LTBP1: variants seen among roughly 807,000 people sequenced by gnomAD.
LTBP1 encodes latent transforming growth factor beta binding protein 1, also known as latent-transforming growth factor beta-binding protein 1.
LTBP1 carries 129 observed loss-of-function variants against 207.6 expected under a neutral mutation model. The ratio of observed to expected loss-of-function variants is 0.62; its 90% CI spans 0.54 to 0.72. The LOEUF is 0.72. LTBP1 is among the 30% of genes least tolerant of loss of function. The probability of loss-of-function intolerance (pLI) is 0.00; values close to 1 mark genes in which losing one functional copy is unlikely to be tolerated. For missense variants in LTBP1, 2,281 were observed against 2,217.2 expected, an observed-to-expected ratio of 1.03 and a Z score of -0.58; for synonymous variants, 963 against 833.7, an observed-to-expected ratio of 1.16 and a Z score of -2.67.
At chr2:32,995,701 AT>A (rs1685155926) in intron 2 of LTBP1, among the ~76,000 whole-genome samples, 1 of 152,160 alleles carries the variant, frequency 6.6e-6, no homozygotes, top group Non-Finnish European at 1.5e-5. Context: ...AGGTGGGAGA[AT>A]GGCGTGAATC....
At chr2:33,049,389 T>C (rs2076612359) in intron 3 of LTBP1, among the ~76,000 whole-genome samples, 1 of 152,240 alleles carries the variant, frequency 6.6e-6, no homozygotes, top group Non-Finnish European at 1.5e-5. Flanking sequence ...TATGACTTTG[T>C]AAGTACATTT....
intron 4 of LTBP1, among the ~76,000 whole-genome samples, chr2:33,122,722 T>TG (rs912549508): frequency 5.9e-5 from 9 of 152,134 alleles, no homozygotes; most frequent in African/African-American, 1.7e-4. Flanking sequence ...CAGCATATAG[T>TG]GGGGTTGCTA....
rs1472372849 is a variant in LTBP1 at position 33,288,887 on chromosome 2, G to GTGGAGTC, written c.3113-4269_3113-4263dup. Among the ~76,000 whole-genome samples the GTGGAGTC allele has an allele frequency of 2.0e-5, 3 of 152,068 alleles. No individual in the cohort carries two copies. In the East Asian group the frequency reaches 5.8e-4, roughly 29 times the overall value. ...AAAAAAAAAGAAAAAAGAAAAGAAG[G>GTGGAGTC]TGGAGTCTGGGAATTACTGACCACT... On this transcript the variant is annotated intron_variant, in intron 19 of 33. Transcript: ENST00000404816.
chr2:33,164,829 A>T (rs536145151), intron 5 of LTBP1, among the ~76,000 whole-genome samples: 2 of 152,346 alleles, frequency 1.3e-5, no homozygotes, highest in Admixed American at 1.3e-4. Flanking sequence ...GAGAAGATAC[A>T]TACCTTTGAA....
intron 32 of LTBP1, among the ~76,000 whole-genome samples, chr2:33,395,565 A>G (rs372775527): frequency 1.1e-4 from 17 of 152,110 alleles, no homozygotes; most frequent in East Asian, 3.9e-4. Context: ...TTCTTCACCT[A>G]TCTCCCCTCA....
intron 3 of LTBP1, among the ~76,000 whole-genome samples, chr2:33,097,315 A>G (rs1443159057): frequency 1.3e-5 from 2 of 152,232 alleles, no homozygotes; most frequent in African/African-American, 4.8e-5. Flanking sequence ...GGATGAAATA[A>G]CATAACTACA....
In LTBP1 at chr2:32,947,239, G is replaced by C; in HGVS notation, c.-86G>C. ...CGGGCTCTCGGCAGCTCTCGGGGGA[G>C]CCCGAACGCGCGGGGAAAGGCGAGC... On this transcript the variant is annotated 5_prime_UTR_variant, in exon 1 of 34. Transcript: ENST00000404816. The C allele has an allele frequency of 1.9e-6, 2 of 1,051,406 alleles. No homozygotes were observed. The highest frequency in any genetic ancestry group is 2.4e-6 in the Non-Finnish European group (2 of 831,020). 65.1% of individuals were successfully genotyped at this position (1,051,406 alleles called of 1,614,324 possible). A position where few individuals can be genotyped will look rare whatever the true frequency, so the allele number is the denominator to read the frequency against.
At chr2:33,364,664 T>G (rs72861425) in intron 30 of LTBP1, among the ~76,000 whole-genome samples, 3,178 of 152,188 alleles carry the variant, frequency 0.021, 106 homozygotes, top group African/African-American at 0.072. Context: ...GAAATGTAAT[T>G]CAGGGAAAGA....
intron 7 of LTBP1, among the ~76,000 whole-genome samples, chr2:33,195,114 G>A (rs1157134953): frequency 3.3e-5 from 5 of 152,162 alleles, no homozygotes; most frequent in Admixed American, 3.3e-4. Flanking sequence ...GGTCACTCAA[G>A]AGCTCTAATG....
intron 4 of LTBP1, among the ~76,000 whole-genome samples, chr2:33,124,664 A>G (rs2081334545): frequency 6.6e-6 from 1 of 152,264 alleles, no homozygotes; most frequent in South Asian, 2.1e-4. Context: ...TTTGCTGTGT[A>G]GTATATCATG....
chr2:32,979,837 A>G lies in LTBP1; in HGVS notation c.565+30892A>G, dbSNP rs193301930. 4.2e-4 allele frequency among the ~76,000 whole-genome samples: 64 copies of G among 152,240 alleles called. No individual in the cohort carries two copies. In the East Asian group the frequency reaches 4.8e-3, roughly 11 times the overall value. On this transcript the variant is annotated intron_variant, in intron 2 of 33. Coordinates refer to ENST00000404816, the MANE Select transcript of LTBP1 (RefSeq NM_206943.4). ...TATCTCTCTGTTTAGCTCTACTAAT[A>G]TTTGCTTTATATATCTGGGTGCTCC...
intron 5 of LTBP1, among the ~76,000 whole-genome samples, chr2:33,173,332 G>A (rs9678810): frequency 0.49 from 73,642 of 150,708 alleles, 18,238 homozygotes; most frequent in Middle Eastern, 0.59. Flanking sequence ...TATCACCACC[G>A]ATCCCACAGA....
At chr2:33,128,610 G>A (rs2081584565) in intron 4 of LTBP1, among the ~76,000 whole-genome samples, 1 of 152,152 alleles carries the variant, frequency 6.6e-6, no homozygotes, top group African/African-American at 2.4e-5. Context: ...TTTCCCCCTT[G>A]GGAGACAGAC....
At chr2:33,226,135 T>G (rs866751712) in intron 9 of LTBP1, among the ~76,000 whole-genome samples, 32 of 152,352 alleles carry the variant, frequency 2.1e-4, no homozygotes, top group African/African-American at 6.7e-4. Flanking sequence ...GAAATTTTTC[T>G]TGTTCTATCA....
intron 5 of LTBP1, among the ~76,000 whole-genome samples, chr2:33,173,527 A>C (rs1235794094): frequency 2.6e-5 from 4 of 152,176 alleles, no homozygotes; most frequent in Non-Finnish European, 5.9e-5. Flanking sequence ...CTTACCAACC[A>C]AAAAGAGTCC....
chr2:33,057,824 G>A (rs368226439), intron 3 of LTBP1, among the ~76,000 whole-genome samples: 8 of 152,320 alleles, frequency 5.3e-5, no homozygotes, highest in African/African-American at 1.9e-4. Context: ...ACACCTCCCC[G>A]CAAGCCGAGG....
At chr2:33,307,411 A>T (rs2094115821) in intron 22 of LTBP1, among the ~76,000 whole-genome samples, 1 of 152,240 alleles carries the variant, frequency 6.6e-6, no homozygotes, top group South Asian at 2.1e-4. Context: ...GTGAATGAGT[A>T]AACAAATTAT....
rs542328513 is a variant in LTBP1, at chr2:33,147,719, C to T, written c.1201+12759C>T. ...CAGGATGGCTTAAGCCTGTGGAAAA[C>T]TCATGCATGATTGCCATATGAAATG... is the stretch of plus-strand genomic sequence containing the variant. On this transcript the variant is annotated intron_variant, in intron 5 of 33. Coordinates refer to ENST00000404816, the MANE Select transcript of LTBP1 (RefSeq NM_206943.4). Among the ~76,000 whole-genome samples, 3 of 152,304 alleles carry T rather than the reference C, an allele frequency of 2.0e-5. No individual in the cohort carries two copies. The South Asian group carries it at 6.2e-4, about 32-fold the overall frequency.
At position 32,947,177 on chromosome 2, in the gene LTBP1, C is replaced by A. The variant is rs1352750743; in HGVS notation, c.-148C>A. The A allele has an allele frequency of 4.0e-6, 2 of 497,726 alleles. No individual in the cohort carries two copies. Among genetic ancestry groups the A allele is most frequent in the Non-Finnish European group, 6.1e-6 (2 of 327,190 alleles). 30.8% of individuals were successfully genotyped at this position (497,726 alleles called of 1,614,324 possible). ...GCCGCTCAGCTGCCCGCAGAGCCTC[C>A]TCCCTCGCCACCGACTTGGTCTCCT... On this transcript the variant is annotated 5_prime_UTR_variant, in exon 1 of 34. Transcript: ENST00000404816.
Sources: allele counts gnomAD v4.1 joint callset (sites outside exome capture counted in the v4.1 genomes callset), GRCh38; gene constraint gnomAD v4.1.1; transcripts MANE v1.5; gene names NCBI Gene and HGNC (gene_info 2026-07-23, HGNC 2026-07-21).